Variants in FBLN1 observed in about 807,000 individuals in gnomAD.
The protein encoded by FBLN1 is fibulin 1.
Under a neutral mutation model 89.7 loss-of-function variants are expected in FBLN1, and 34 were observed. The observed-to-expected ratio is 0.38, with a 90% confidence interval of 0.29 to 0.50. The LOEUF is 0.50. Ranked by LOEUF, FBLN1 falls within the 20% of genes least tolerant of loss-of-function variation. The pLI is 0.92. For missense variants in FBLN1, 777 were observed against 988.1 expected (o/e 0.79, Z 2.86); for synonymous variants, 393 against 391.3 (o/e 1.00, Z -0.05).
At chr22:45,554,680 G>C (rs2088755288) in intron 14 of FBLN1, among the ~76,000 whole-genome samples, 1 of 152,224 alleles carries the variant, frequency 6.6e-6, no homozygotes, top group Admixed American at 6.5e-5. Flanking sequence ...GCCAGGACGA[G>C]AGGATGCTCC....
Position 45,561,744 on chromosome 22 carries a change from TTTA to T in FBLN1, c.1697+11133_1697+11135del, listed in dbSNP as rs2088852573. On this transcript the variant is annotated intron_variant, in intron 14 of 16. Transcript: ENST00000327858. The surrounding 1 kb of genome is among the most constrained non-coding windows in gnomAD (Gnocchi z 4.7). ...CGGAATACATATGTATAATGGAGAG[TTTA>T]TTAAGCATTAACTCACACGATCACA... Among the ~76,000 whole-genome samples the T allele has an allele frequency of 6.6e-6, 1 of 151,444 alleles. No individual in the cohort carries two copies. The highest frequency in any genetic ancestry group is 2.4e-5 in the African/African-American group (1 of 41,166).
At chr22:45,596,794 TA>T (rs2089190839) in intron 16 of FBLN1, among the ~76,000 whole-genome samples, 1 of 126,404 alleles carries the variant, frequency 7.9e-6, no homozygotes, top group Admixed American at 7.4e-5. Flanking sequence ...TATTTACATA[TA>T]AATACACTTA....
chr22:45,598,606 T>G (rs756780405), intron 16 of FBLN1, among the ~76,000 whole-genome samples: 1 of 152,194 alleles, frequency 6.6e-6, no homozygotes, highest in Non-Finnish European at 1.5e-5. Flanking sequence ...TCGCCCCCGC[T>G]GGACAATGCA....
intron 14 of FBLN1, among the ~76,000 whole-genome samples, chr22:45,551,465 C>T (rs1397083189): frequency 6.6e-6 from 1 of 152,220 alleles, no homozygotes; most frequent in African/African-American, 2.4e-5. Flanking sequence ...CCTCTTGACC[C>T]TAGGGGCAGC....
intron 14 of FBLN1, among the ~76,000 whole-genome samples, chr22:45,570,319 C>CAAAAAA (rs761469854): frequency 1.9e-3 from 69 of 36,274 alleles, no homozygotes; most frequent in African/African-American, 3.2e-3. Context: ...GACTCTGTCT[C>CAAAAAA]AAAAAAAAAA....
chr22:45,550,518 C>T lies in FBLN1; in HGVS notation c.1600C>T (p.His534Tyr). Residue 534 changes from histidine (H) to tyrosine (Y), a missense_variant, in exon 14 of 17, where the codon CAC becomes TAC. His to Tyr is a moderately conservative substitution (Grantham distance 83). Coordinates refer to ENST00000327858, the MANE Select transcript of FBLN1 (RefSeq NM_006486.3). The surrounding 1 kb of genome is among the most constrained non-coding windows in gnomAD (Gnocchi z 8.4). The stretch of plus-strand genomic sequence containing the variant: ...CATTGATGAGTGTGTGACTGGCATC[C>T]ACAACTGCTCCATCAACGAGACCTG... The part of the protein sequence containing the change: ...QDIDECVTGI[H>Y]NCSINETCFN... The T allele has an allele frequency of 1.9e-6, 3 of 1,614,134 alleles. No individual in the cohort carries two copies. The highest frequency in any genetic ancestry group is 2.5e-6 in the Non-Finnish European group (3 of 1,180,040).
intron 2 of FBLN1, among the ~76,000 whole-genome samples, chr22:45,524,842 C>G (rs919189354): frequency 1.3e-5 from 2 of 151,974 alleles, no homozygotes; most frequent in Non-Finnish European, 2.9e-5. Context: ...CCCAGCACTT[C>G]GGGAGGCTGA....
rs1200517703 is a variant in FBLN1 at position 45,547,206 on chromosome 22, T to C, written c.1441+2T>C. ...ATGTGGATGGAGTCACCTGTGAAGG[T>C]GCGGACGCCCCTGCCTGCTGAGGGG... is the stretch of plus-strand genomic sequence containing the variant. On this transcript the variant is annotated splice_donor_variant, in intron 12 of 16. Coordinates refer to ENST00000327858, the MANE Select transcript of FBLN1 (RefSeq NM_006486.3). LOFTEE classifies it high-confidence loss of function. 1 of 1,613,510 alleles carries C rather than the reference T, an allele frequency of 6.2e-7. No individual in the cohort carries two copies.
intron 16 of FBLN1, among the ~76,000 whole-genome samples, chr22:45,592,300 G>C (rs56178976): frequency 5.3e-4 from 80 of 152,232 alleles, no homozygotes; most frequent in Non-Finnish European, 1.0e-3. Context: ...GTGGCTTTGT[G>C]AGTGCTGACA....
rs2285183 is a variant in FBLN1, at chr22:45,543,138, A to T, written c.1196-263A>T. ...AAAAATTAGCCGGGCGTGGTGGCAC[A>T]TGCCTGTAATCCCTGTTACTTGGGA... is the stretch of plus-strand genomic sequence containing the variant. On this transcript the variant is annotated intron_variant, in intron 10 of 16. Coordinates refer to ENST00000327858, the MANE Select transcript of FBLN1 (RefSeq NM_006486.3). Among the ~76,000 whole-genome samples the T allele has an allele frequency of 9.5e-3, 1,444 of 152,328 alleles. 131 individuals carry two copies. The East Asian group carries it at 0.21, about 23-fold the overall frequency.
At position 45,543,505 on chromosome 22, in the gene FBLN1, G is replaced by A. The variant is rs768544289; in HGVS notation, c.1300G>A (p.Val434Met). Reference sequence around the variant, plus strand: ...CTGTTCCGTGGGCTTCCGGCTCTCTGTGGATGGCAGGTCATGTGAAGGTGA... The same window carrying A: ...CTGTTCCGTGGGCTTCCGGCTCTCTATGGATGGCAGGTCATGTGAAGGTGA... ...CSCSVGFRLS[V>M]DGRSCEDINE... Residue 434 changes from valine (V) to methionine (M), a missense_variant, in exon 11 of 17, where the codon GTG (valine) becomes ATG (methionine). Val to Met is a conservative substitution (Grantham distance 21). Transcript: ENST00000327858. 6.2e-7 allele frequency: 1 copy of A among 1,613,748 alleles called. No homozygotes were observed. The highest frequency in any genetic ancestry group is 8.5e-7 in the Non-Finnish European group (1 of 1,179,974).
intron 1 of FBLN1, 49 bp downstream of exon 1, chr22:45,503,113 C>T (rs2087969308): frequency 2.5e-6 from 3 of 1,187,604 alleles, no homozygotes; most frequent in Non-Finnish European, 3.1e-6. Flanking sequence ...CCGACCCCCT[C>T]GGCCTCGCGC....
chr22:45,523,574 G>C (rs1815186967), intron 2 of FBLN1, among the ~76,000 whole-genome samples: 1 of 152,166 alleles, frequency 6.6e-6, no homozygotes, highest in African/African-American at 2.4e-5. Context: ...CATGGTGGCA[G>C]GTGCCTGTAA....
intron 2 of FBLN1, among the ~76,000 whole-genome samples, chr22:45,524,450 C>T (rs964355964): frequency 6.6e-6 from 1 of 152,224 alleles, no homozygotes; most frequent in Non-Finnish European, 1.5e-5. Context: ...GACCTCTCCC[C>T]AGAGCCCCGG....
At chr22:45,543,273 A>G in intron 10 of FBLN1, 128 bp from the exon 11 acceptor site, 1 of 1,187,098 alleles carries the variant, frequency 8.4e-7, no homozygotes, top group Non-Finnish European at 1.2e-6. Context: ...CTCAAAGATG[A>G]AGGAAAAAAA....
chr22:45,518,609 G>A (rs2088202670), intron 1 of FBLN1, 73 bp from the exon 2 acceptor site: 1 of 1,073,902 alleles, frequency 9.3e-7, no homozygotes, highest in East Asian at 2.6e-5. Context: ...GCGTGTCCTG[G>A]TGGTGCATCT....
At chr22:45,571,103 A>G (rs1292841965) in intron 14 of FBLN1, among the ~76,000 whole-genome samples, 1 of 143,552 alleles carries the variant, frequency 7.0e-6, no homozygotes, top group Non-Finnish European at 1.5e-5. Flanking sequence ...CCTGGGAAAC[A>G]AGAGTCTCAA....
intron 1 of FBLN1, among the ~76,000 whole-genome samples, chr22:45,505,402 G>A (rs908426753): frequency 6.6e-6 from 1 of 152,238 alleles, no homozygotes; most frequent in Non-Finnish European, 1.5e-5. Flanking sequence ...CCAGGGCACT[G>A]AATGCATGAA....
In FBLN1 at chr22:45,576,890, C is replaced by G; in HGVS notation, c.1841-87C>G. ...AAGGGCCCTGGGTTAGGTCTTCATT[C>G]CCCAAGGGTGAGTTCCTGGGGACGA... On this transcript the variant is annotated intron_variant, in intron 15 of 16. Coordinates refer to ENST00000327858, the MANE Select transcript of FBLN1 (RefSeq NM_006486.3). This position sits in a 1 kb window ranked among gnomAD's most constrained non-coding sequence, Gnocchi z 5.2. 6.5e-7 allele frequency: 1 copy of G among 1,538,428 alleles called. No homozygotes were observed. The highest frequency in any genetic ancestry group is 1.1e-5 in the South Asian group (1 of 88,678).
Sources: gnomAD v4.1 joint callset for allele counts (sites outside exome capture counted in the v4.1 genomes callset) on GRCh38, gnomAD v4.1.1 for gene constraint, Gnocchi (gnomAD v3.1) non-coding constraint, MANE v1.5 for transcripts, NCBI Gene and HGNC (gene_info 2026-07-23, HGNC 2026-07-21) for gene names.